The following ACVR1C variants were observed in gnomAD, a reference collection of about 807,000 sequenced individuals.
ACVR1C encodes activin receptor type-1C.
ACVR1C carries 23 observed loss-of-function variants against 57.9 expected under a neutral mutation model. The observed-to-expected ratio is 0.40, with a 90% CI of 0.29 to 0.56. The LOEUF (loss-of-function observed/expected upper bound fraction) is 0.56. Among genes scored for constraint, ACVR1C ranks in the 20% least tolerant of loss-of-function variants. The probability of loss-of-function intolerance (pLI) is 0.50; values close to 1 mark genes in which losing one functional copy is unlikely to be tolerated. For synonymous variants in ACVR1C, 214 were observed against 215.3 expected (o/e 0.99, Z 0.05); for missense variants, 480 against 607.9 (o/e 0.79, Z 2.21).
At chr2:157,606,632 CCA>C (rs903136190) in intron 1 of ACVR1C, among the ~76,000 whole-genome samples, 75 of 151,684 alleles carry the variant, frequency 4.9e-4, no homozygotes, top group African/African-American at 1.7e-3. Context: ...TAATCTTTCC[CCA>C]TTTTTAATAG....
At chr2:157,626,276 T>C (rs550653808) in intron 1 of ACVR1C, among the ~76,000 whole-genome samples, 4 of 152,342 alleles carry the variant, frequency 2.6e-5, no homozygotes, top group African/African-American at 7.2e-5. Flanking sequence ...GCCAGCCTGA[T>C]TTTTTTAATT....
At chr2:157,567,064 C>T (rs1688407924) in intron 2 of ACVR1C, among the ~76,000 whole-genome samples, 1 of 100,506 alleles carries the variant, frequency 9.9e-6, no homozygotes. Context: ...GACCCCTGAC[C>T]CCCGAGCAGC....
intron 2 of ACVR1C, among the ~76,000 whole-genome samples, chr2:157,572,531 A>C (rs1017084792): frequency 6.6e-6 from 1 of 152,136 alleles, no homozygotes; most frequent in African/African-American, 2.4e-5. Context: ...TCCTATACGT[A>C]ATAATCACCT....
intron 2 of ACVR1C, among the ~76,000 whole-genome samples, chr2:157,562,075 T>C (rs1020085191): frequency 6.6e-6 from 1 of 152,010 alleles, no homozygotes; most frequent in Non-Finnish European, 1.5e-5. Flanking sequence ...GGTGGGCGGA[T>C]CATGAGGTAA....
intron 1 of ACVR1C, among the ~76,000 whole-genome samples, chr2:157,606,684 G>C (rs1429037425): frequency 6.6e-6 from 1 of 150,768 alleles, no homozygotes; most frequent in African/African-American, 2.4e-5. Context: ...GTTGAGTTTT[G>C]GTTCATTTAA....
chr2:157,554,395 G>T (rs1273934934), intron 3 of ACVR1C, among the ~76,000 whole-genome samples: 2 of 150,848 alleles, frequency 1.3e-5, no homozygotes, highest in Admixed American at 6.6e-5. Context: ...AAGGAAGGAA[G>T]GAAGGAGATG....
intron 2 of ACVR1C, among the ~76,000 whole-genome samples, chr2:157,565,747 C>T (rs1326845149): frequency 6.6e-6 from 1 of 152,100 alleles, no homozygotes; most frequent in Non-Finnish European, 1.5e-5. Flanking sequence ...GGCCAGGTTT[C>T]ATAATTTTAT....
chr2:157,608,454 G>A (rs1387810372), intron 1 of ACVR1C, among the ~76,000 whole-genome samples: 1 of 151,616 alleles, frequency 6.6e-6, no homozygotes, highest in Non-Finnish European at 1.5e-5. Flanking sequence ...TTCTTTTTTG[G>A]TTGTGTCGTT....
At chr2:157,605,319 C>T (rs1015752801) in intron 1 of ACVR1C, among the ~76,000 whole-genome samples, 11 of 151,678 alleles carry the variant, frequency 7.3e-5, no homozygotes, top group African/African-American at 1.9e-4. Flanking sequence ...ATAGGTACTA[C>T]GAGCATTCCA....
At chr2:157,628,430 C>T in intron 1 of ACVR1C, 142 bp downstream of exon 1, 5 of 987,150 alleles carry the variant, frequency 5.1e-6, no homozygotes, top group Non-Finnish European at 7.7e-6. Context: ...TCCCGCGCCC[C>T]CTCAATCCGA....
chr2:157,563,539 G>C (rs1688291439), intron 2 of ACVR1C, among the ~76,000 whole-genome samples: 1 of 152,140 alleles, frequency 6.6e-6, no homozygotes, highest in South Asian at 2.1e-4. Flanking sequence ...TGGCCATGCT[G>C]CCTAAATTAA....
intron 5 of ACVR1C, among the ~76,000 whole-genome samples, chr2:157,543,756 GAT>G (rs1687673589): frequency 6.6e-6 from 1 of 152,024 alleles, no homozygotes; most frequent in Non-Finnish European, 1.5e-5. Flanking sequence ...TCAAGTACAT[GAT>G]ATACAAATAT....
chr2:157,555,323 G>T lies in ACVR1C; in HGVS notation c.544+770C>A, dbSNP rs1203575891. ...TTTAGTAGAGACGGGGTTTCACCTT[G>T]TTAGCCAGGATGGTCTCGATCTCCT... On this transcript the variant is annotated intron_variant, in intron 3 of 8. Coordinates refer to ENST00000243349, the MANE Select transcript of ACVR1C (RefSeq NM_145259.3). Among the ~76,000 whole-genome samples, 6 of 151,522 alleles carry T rather than the reference G, an allele frequency of 4.0e-5. No homozygotes were observed. In the South Asian group the frequency reaches 6.2e-4, roughly 16 times the overall value.
intron 2 of ACVR1C, among the ~76,000 whole-genome samples, chr2:157,564,295 A>G (rs960992189): frequency 1.3e-5 from 2 of 152,228 alleles, no homozygotes; most frequent in Non-Finnish European, 2.9e-5. Context: ...AAAAGTAGGC[A>G]AAGGATATGA....
intron 1 of ACVR1C, among the ~76,000 whole-genome samples, chr2:157,614,373 A>G (rs1008901080): frequency 3.9e-5 from 6 of 152,230 alleles, no homozygotes; most frequent in African/African-American, 1.4e-4. Context: ...TATTCTGTAT[A>G]CTTTAATTTT....
At chr2:157,593,904 C>T (rs569396942) in intron 1 of ACVR1C, among the ~76,000 whole-genome samples, 2 of 152,260 alleles carry the variant, frequency 1.3e-5, no homozygotes, top group African/African-American at 2.4e-5. Context: ...GGTAGAAATA[C>T]TACTTCTCAG....
chr2:157,589,386 G>T (rs1689011189), intron 1 of ACVR1C, among the ~76,000 whole-genome samples: 1 of 151,800 alleles, frequency 6.6e-6, no homozygotes, highest in Non-Finnish European at 1.5e-5. Context: ...GGGATTATTT[G>T]CTTTTCTCTT....
Position 157,534,054 on chromosome 2 carries a change from GAA to G in ACVR1C, c.1357-13_1357-12del. On this transcript the variant is annotated splice_polypyrimidine_tract_variant and intron_variant, in intron 8 of 8. Coordinates refer to ENST00000243349, the MANE Select transcript of ACVR1C (RefSeq NM_145259.3). ...CATGACTCGGAGTGCCTTTAAGAGAGAAAAAAAAAATCAAAGACTTTAGCTAC... is the reference window on the plus strand; with the variant it reads ...CATGACTCGGAGTGCCTTTAAGAGAGAAAAAAAATCAAAGACTTTAGCTAC... 4.3e-6 allele frequency: 6 copies of G among 1,384,512 alleles called. No homozygotes were observed. In the South Asian group the frequency reaches 6.4e-5, roughly 15 times the overall value. The allele number at this position is 1,384,512 out of a possible 1,614,324, so 85.8% of individuals were successfully genotyped here. A position where few individuals can be genotyped will look rare whatever the true frequency, so the allele number is the denominator to read the frequency against.
chr2:157,561,068 A>G (rs1032747740), intron 2 of ACVR1C, among the ~76,000 whole-genome samples: 1 of 152,198 alleles, frequency 6.6e-6, no homozygotes, highest in Non-Finnish European at 1.5e-5. Context: ...TTGTTTAGAA[A>G]CAAACAAACA....
Sources: gnomAD v4.1 joint callset for allele counts (sites outside exome capture counted in the v4.1 genomes callset) on GRCh38, gnomAD v4.1.1 for gene constraint, MANE v1.5 for transcripts, NCBI Gene and HGNC (gene_info 2026-07-23, HGNC 2026-07-21) for gene names.